Variants in NLGN1 observed in about 807,000 individuals in gnomAD.
The protein encoded by NLGN1 is neuroligin 1.
NLGN1 carries 12 observed loss-of-function variants against 65.5 expected under a neutral mutation model. That is an observed-to-expected ratio of 0.18 (90% CI 0.12 to 0.30). The LOEUF is 0.30. Ranked by LOEUF, NLGN1 falls within the 10% of genes least tolerant of loss-of-function variation. The pLI is 1.00. For synonymous variants in NLGN1, 350 were observed against 359.5 expected (o/e 0.97, Z 0.30); for missense variants, 750 against 1,007.1 (o/e 0.74, Z 3.46).
At chr3:173,495,363 G>A (rs1029450016) in intron 2 of NLGN1, among the ~76,000 whole-genome samples, 1 of 151,314 alleles carries the variant, frequency 6.6e-6, no homozygotes, top group East Asian at 1.9e-4. Flanking sequence ...AAAATTACTC[G>A]TTTATTCTAT....
chr3:173,990,867 TTTC>T (rs1276706243), intron 4 of NLGN1, among the ~76,000 whole-genome samples: 9 of 152,184 alleles, frequency 5.9e-5, no homozygotes, highest in African/African-American at 2.2e-4. Context: ...TGTGTTTCAT[TTTC>T]TTATTAAAAC....
intron 4 of NLGN1, among the ~76,000 whole-genome samples, chr3:174,173,056 T>C (rs1214789362): frequency 6.9e-6 from 1 of 144,274 alleles, no homozygotes; most frequent in African/African-American, 2.9e-5. Context: ...AATTCCTGTG[T>C]ATTTAATTTT....
intron 4 of NLGN1, among the ~76,000 whole-genome samples, chr3:174,245,057 T>A (rs1384799359): frequency 6.6e-6 from 1 of 152,100 alleles, no homozygotes; most frequent in Non-Finnish European, 1.5e-5. Context: ...TGACTAGGTG[T>A]TTTATAAGGA....
chr3:173,827,654 T>TGTGTGTGTGTGTGTGTGTGTG (rs1326275748), intron 4 of NLGN1, among the ~76,000 whole-genome samples: 1 of 81,904 alleles, frequency 1.2e-5, no homozygotes, highest in African/African-American at 3.8e-5. Context: ...TGTGTGTGTG[T>TGTGTGTGTGTGTGTGTGTGTG]GTGTGTGTGT....
chr3:173,483,470 C>T (rs1339959458), intron 2 of NLGN1, among the ~76,000 whole-genome samples: 2 of 151,744 alleles, frequency 1.3e-5, no homozygotes, highest in African/African-American at 4.8e-5. Context: ...TTCTACTAGT[C>T]CCACAATTTT....
At chr3:174,272,137 T>G (rs1293287077) in intron 4 of NLGN1, among the ~76,000 whole-genome samples, 2 of 151,748 alleles carry the variant, frequency 1.3e-5, no homozygotes, top group Non-Finnish European at 3.0e-5. Flanking sequence ...AAGAATGATT[T>G]AAGTGACATT....
chr3:173,657,631 C>G (rs1452880834), intron 3 of NLGN1, among the ~76,000 whole-genome samples: 1 of 151,820 alleles, frequency 6.6e-6, no homozygotes, highest in African/African-American at 2.4e-5. Flanking sequence ...ACTTGGTTCA[C>G]ACTCTTGTTT....
At chr3:173,734,379 C>CAATTTTTTTTTTTTTTTTTTTT (rs1560261820) in intron 3 of NLGN1, among the ~76,000 whole-genome samples, 1 of 59,048 alleles carries the variant, frequency 1.7e-5, no homozygotes, top group African/African-American at 6.4e-5. Context: ...GTGGATAATT[C>CAATTTTTTTTTTTTTTTTTTTT]TATTTTTTTT....
intron 2 of NLGN1, among the ~76,000 whole-genome samples, chr3:173,583,115 G>A (rs143625742): frequency 0.01 from 1,591 of 152,216 alleles, 31 homozygotes; most frequent in African/African-American, 0.036. Flanking sequence ...CATCTGCATT[G>A]CCTCAGTTAC....
intron 4 of NLGN1, among the ~76,000 whole-genome samples, chr3:174,221,516 T>C (rs1170569588): frequency 6.6e-6 from 1 of 152,138 alleles, no homozygotes; most frequent in Non-Finnish European, 1.5e-5. Context: ...CCAGATGATC[T>C]TGAGCACTCA....
chr3:173,733,472 G>C (rs185870474), intron 3 of NLGN1, among the ~76,000 whole-genome samples: 1 of 152,084 alleles, frequency 6.6e-6, no homozygotes, highest in Admixed American at 6.6e-5. Flanking sequence ...TTCAGCAGCT[G>C]TACTGTCAGG....
chr3:174,218,270 C>T (rs1738004138), intron 4 of NLGN1, among the ~76,000 whole-genome samples: 1 of 151,736 alleles, frequency 6.6e-6, no homozygotes, highest in African/African-American at 2.4e-5. Flanking sequence ...GGTAAAATTG[C>T]AGTAGGGAGG....
chr3:173,505,300 T>G (rs1731831204), intron 2 of NLGN1, among the ~76,000 whole-genome samples: 1 of 152,116 alleles, frequency 6.6e-6, no homozygotes, highest in African/African-American at 2.4e-5. Context: ...CTACCTGGCT[T>G]ACAGCATTGG....
intron 4 of NLGN1, among the ~76,000 whole-genome samples, chr3:174,157,619 G>T (rs1288943263): frequency 6.6e-6 from 1 of 151,748 alleles, no homozygotes; most frequent in African/African-American, 2.4e-5. Flanking sequence ...GTAGTAAAGA[G>T]AATTTGGACG....
intron 4 of NLGN1, among the ~76,000 whole-genome samples, chr3:173,938,304 C>T (rs775840450): frequency 1.5e-4 from 23 of 151,978 alleles, no homozygotes; most frequent in Admixed American, 3.9e-4. Flanking sequence ...AGCAAGTGCC[C>T]CTCCATAGCA....
intron 2 of NLGN1, among the ~76,000 whole-genome samples, chr3:173,591,621 A>G (rs2149398907): frequency 6.6e-6 from 1 of 152,302 alleles, no homozygotes; most frequent in East Asian, 1.9e-4. Context: ...ACCCTGGCAC[A>G]GGGCCATACT....
chr3:173,932,889 G>T (rs1744367787), intron 4 of NLGN1, among the ~76,000 whole-genome samples: 1 of 152,106 alleles, frequency 6.6e-6, no homozygotes, highest in African/African-American at 2.4e-5. Context: ...TTATAGCTTA[G>T]CTCATGTGTA....
intron 4 of NLGN1, among the ~76,000 whole-genome samples, chr3:174,035,400 A>G (rs1329392628): frequency 6.6e-6 from 1 of 152,118 alleles, no homozygotes; most frequent in Non-Finnish European, 1.5e-5. Context: ...TAGGCAAGAG[A>G]CTCAGGAAAA....
intron 2 of NLGN1, among the ~76,000 whole-genome samples, chr3:173,565,057 C>T (rs368686802): frequency 6.6e-6 from 1 of 152,130 alleles, no homozygotes; most frequent in East Asian, 1.9e-4. Context: ...AAACTCTGCC[C>T]AGGATGATAA....
Sources: gnomAD v4.1 joint callset for allele counts (sites outside exome capture counted in the v4.1 genomes callset) on GRCh38, gnomAD v4.1.1 for gene constraint, MANE v1.5 for transcripts, NCBI Gene and HGNC (gene_info 2026-07-23, HGNC 2026-07-21) for gene names.